Variants in PDIA6 observed in about 807,000 individuals in gnomAD.
PDIA6 encodes the protein protein disulfide-isomerase A6.
PDIA6 carries 29 observed loss-of-function variants against 58.4 expected under a neutral mutation model. The observed-to-expected ratio is 0.50, with a 90% CI of 0.37 to 0.68. PDIA6 has a LOEUF of 0.68. Ranked by LOEUF, PDIA6 falls within the 30% of genes least tolerant of loss-of-function variation. The pLI is 0.00. For missense variants in PDIA6, 480 were observed against 551.0 expected (o/e 0.87, Z 1.29); for synonymous variants, 192 against 202.6 (o/e 0.95, Z 0.44).
At chr2:10,796,901 G>A (rs1163719676) in intron 4 of PDIA6, among the ~76,000 whole-genome samples, 180 bp downstream of exon 4, 2 of 152,192 alleles carry the variant, frequency 1.3e-5, no homozygotes, top group Non-Finnish European at 2.9e-5. Flanking sequence ...ACAAACCTGT[G>A]TGACACATAT....
intron 6 of PDIA6, among the ~76,000 whole-genome samples, chr2:10,791,507 C>T (rs1666035153): frequency 6.6e-6 from 1 of 152,166 alleles, no homozygotes; most frequent in African/African-American, 2.4e-5. Flanking sequence ...ACCTAGAAAA[C>T]ATTTTGTGTG....
chr2:10,785,449 G>C (rs901216236), intron 11 of PDIA6, among the ~76,000 whole-genome samples: 1 of 152,186 alleles, frequency 6.6e-6, no homozygotes, highest in East Asian at 1.9e-4. Context: ...GGCAGAGAGC[G>C]GGGTGCGTAT....
chr2:10,785,487 A>G (rs1665679810), intron 11 of PDIA6, among the ~76,000 whole-genome samples: 1 of 152,328 alleles, frequency 6.6e-6, no homozygotes, highest in Non-Finnish European at 1.5e-5. Flanking sequence ...CTTGAAACAT[A>G]CCAGACCTGG....
chr2:10,797,902 A>G, intron 2 of PDIA6, 145 bp from the exon 3 acceptor site: 1 of 648,948 alleles, frequency 1.5e-6, no homozygotes, highest in Non-Finnish European at 2.6e-6. Flanking sequence ...AACAGGATCA[A>G]GGCCGGGCAC....
At chr2:10,786,883 CA>C (rs1244823929) in intron 11 of PDIA6, among the ~76,000 whole-genome samples, 3 of 152,090 alleles carry the variant, frequency 2.0e-5, no homozygotes, top group Admixed American at 6.5e-5. Context: ...AACTACATTC[CA>C]AAGCCAAGTG....
intron 1 of PDIA6, among the ~76,000 whole-genome samples, chr2:10,812,343 T>TCCAGGAATACTGACCCCCTCC (rs1667031560): frequency 2.3e-5 from 3 of 128,892 alleles, no homozygotes; most frequent in African/African-American, 8.0e-5. Flanking sequence ...CCTGCGACTC[T>TCCAGGAATACTGACCCCCTCC]CCGGGAATAC....
chr2:10,827,166 C>A (rs777361134), intron 1 of PDIA6, among the ~76,000 whole-genome samples: 1 of 152,176 alleles, frequency 6.6e-6, no homozygotes, highest in Non-Finnish European at 1.5e-5. Flanking sequence ...CGGGTTTAAG[C>A]AATTTCCTGC....
At chr2:10,803,929 G>A (rs1666624579) in intron 1 of PDIA6, among the ~76,000 whole-genome samples, 1 of 45,486 alleles carries the variant, frequency 2.2e-5, no homozygotes, top group African/African-American at 4.3e-5. Context: ...TTTTTTTTGA[G>A]ACAGAGTCTT....
intron 1 of PDIA6, among the ~76,000 whole-genome samples, chr2:10,827,464 A>G (rs1667583200): frequency 6.6e-6 from 1 of 152,232 alleles, no homozygotes. Context: ...ATCTGTCTAC[A>G]ACAGTGTCTG....
chr2:10,787,259 A>C, intron 11 of PDIA6, 22 bp downstream of exon 11: 1 of 1,609,374 alleles, frequency 6.2e-7, no homozygotes, highest in Middle Eastern at 1.7e-4. Flanking sequence ...AAAACAACAA[A>C]CAACCTAAGA....
intron 2 of PDIA6, 96 bp from the exon 3 acceptor site, chr2:10,797,853 A>C: frequency 1.1e-6 from 1 of 903,966 alleles, no homozygotes; most frequent in Non-Finnish European, 1.7e-6. Flanking sequence ...TCAATGGTCT[A>C]TTGAATGAGA....
rs764717987 is a variant in PDIA6 at position 10,784,171 on chromosome 2, T to C, written c.*87A>G. ...GGTTAAAAGGCCACTGGTAGAGTCA[T>C]CTGAGTGTAGAGAATGTCCCTTCAC... is the stretch of plus-strand genomic sequence containing the variant. On this transcript the variant is annotated 3_prime_UTR_variant, in exon 13 of 13. Transcript: ENST00000272227. The C allele has an allele frequency of 2.1e-5, 20 of 958,450 alleles. No individual in the cohort carries two copies. Among genetic ancestry groups the C allele is most frequent in the Middle Eastern group, 2.1e-4 (1 of 4,686 alleles). The allele number at this position is 958,450 out of a possible 1,614,324, so 59.4% of individuals were successfully genotyped here.
rs1015993278 is a variant in PDIA6 at position 10,789,791 on chromosome 2, A to G, written c.798T>C (p.Leu266=). The G allele has an allele frequency of 7.4e-6, 12 of 1,613,950 alleles. No homozygotes were observed. Among genetic ancestry groups the G allele is most frequent in the African/African-American group, 1.3e-5 (1 of 74,998 alleles). The part of the protein sequence containing the change: ...RTRSDIVSRA[L]DLFSDNAPPP... The stretch of plus-strand genomic sequence containing the variant: ...GTGGGGCGTTATCAGAAAACAAATC[A>G]AGGGCCCGGGACACGATGTCGGATC... The change falls in exon 8 of 13, where the codon CTT becomes CTC. Residue 266 remains leucine (L), a synonymous_variant. Transcript: ENST00000272227.
intron 1 of PDIA6, among the ~76,000 whole-genome samples, chr2:10,819,682 A>G (rs1287305317): frequency 6.6e-6 from 1 of 152,170 alleles, no homozygotes; most frequent in Non-Finnish European, 1.5e-5. Context: ...TAACTTCATC[A>G]TTTCCAAGGA....
At chr2:10,789,289 A>G (rs79179226) in intron 8 of PDIA6, among the ~76,000 whole-genome samples, 12,072 of 152,202 alleles carry the variant, frequency 0.079, 612 homozygotes, top group South Asian at 0.13. Context: ...TTATACTTAC[A>G]TGTATTATAT....
At chr2:10,815,204 A>T (rs1202370098), upstream of PDIA6, among the ~76,000 whole-genome samples, 2 of 152,202 alleles carry the variant, frequency 1.3e-5, no homozygotes, top group Non-Finnish European at 2.9e-5. Flanking sequence ...GGAAATGCAC[A>T]GGCTTCCGGA....
chr2:10,783,759 T>C lies in PDIA6; in HGVS notation c.*499A>G, dbSNP rs912708762. The C allele has an allele frequency of 6.4e-6, 1 of 156,304 alleles. No individual in the cohort carries two copies. The highest frequency in any genetic ancestry group is 1.4e-5 in the Non-Finnish European group (1 of 70,706). 9.7% of individuals were successfully genotyped at this position (156,304 alleles called of 1,614,324 possible). ...AGGTCTTGTTTTTTGTTTAAAAAAGTTTGTGGGGAGGAAAGACATCTGTGT... is the reference window on the plus strand; with the variant it reads ...AGGTCTTGTTTTTTGTTTAAAAAAGCTTGTGGGGAGGAAAGACATCTGTGT... On this transcript the variant is annotated 3_prime_UTR_variant, in exon 13 of 13. Transcript: ENST00000272227.
intron 2 of PDIA6, among the ~76,000 whole-genome samples, 175 bp downstream of exon 2, chr2:10,802,324 G>T (rs1460790708): frequency 6.6e-6 from 1 of 152,062 alleles, no homozygotes; most frequent in Non-Finnish European, 1.5e-5. Flanking sequence ...TCAAAAGACA[G>T]ATCTTCCTTA....
At chr2:10,785,998 G>A (rs545578103) in intron 11 of PDIA6, among the ~76,000 whole-genome samples, 18 of 152,254 alleles carry the variant, frequency 1.2e-4, no homozygotes, top group African/African-American at 1.9e-4. Flanking sequence ...ACAGGCGTGA[G>A]CCACCGCACC....
Sources: allele counts gnomAD v4.1 joint callset (sites outside exome capture counted in the v4.1 genomes callset), GRCh38; gene constraint gnomAD v4.1.1; transcripts MANE v1.5; gene names NCBI Gene and HGNC (gene_info 2026-07-23, HGNC 2026-07-21).